The following ACTR3 variants were observed in gnomAD, a reference collection of about 807,000 sequenced individuals.
ACTR3 encodes actin related protein 3, also known as actin-related protein 3.
ACTR3 carries 12 observed loss-of-function variants against 56.8 expected under a neutral mutation model. The observed-to-expected ratio is 0.21, with a 90% CI of 0.14 to 0.34. The LOEUF (loss-of-function observed/expected upper bound fraction) is 0.34. Among genes scored for constraint, ACTR3 ranks in the 10% least tolerant of loss-of-function variants. ACTR3 has a pLI of 1.00. For missense variants in ACTR3, 282 were observed against 512.5 expected (o/e 0.55, Z 4.34); for synonymous variants, 162 against 167.4 (o/e 0.97, Z 0.25).
chr2:113,913,074 A>G (rs1057018984), intron 1 of ACTR3, 98 bp from the exon 2 acceptor site: 1 of 757,376 alleles, frequency 1.3e-6, no homozygotes, highest in Non-Finnish European at 2.1e-6. Flanking sequence ...TTATTTACCT[A>G]CGATGGAATC....
At chr2:113,934,217 ACT>A in intron 5 of ACTR3, 60 bp from the exon 6 acceptor site, 1 of 1,134,750 alleles carries the variant, frequency 8.8e-7, no homozygotes, top group Non-Finnish European at 1.3e-6. Flanking sequence ...TTTTCGATTA[ACT>A]CTTTGTTTTT....
At position 113,931,296 on chromosome 2, in the gene ACTR3, A is replaced by G; in HGVS notation, c.337-5A>G. On this transcript the variant is annotated splice_region_variant and splice_polypyrimidine_tract_variant and intron_variant, in intron 4 of 11. Coordinates refer to ENST00000263238, the MANE Select transcript of ACTR3 (RefSeq NM_005721.5). ...ATCTATTTAAAATGTTATTTATTTCAATAGACTGAACCTCCATTGAATACT... is the reference window on the plus strand; with the variant it reads ...ATCTATTTAAAATGTTATTTATTTCGATAGACTGAACCTCCATTGAATACT... 6.6e-7 allele frequency: 1 copy of G among 1,515,810 alleles called. No individual in the cohort carries two copies. The highest frequency in any genetic ancestry group is 2.4e-5 in the East Asian group (1 of 42,518). 93.9% of individuals were successfully genotyped at this position (1,515,810 alleles called of 1,614,324 possible). A position where few individuals can be genotyped will look rare whatever the true frequency, so the allele number is the denominator to read the frequency against.
Position 113,935,108 on chromosome 2 carries a change from G to A in ACTR3, c.540+722G>A, listed in dbSNP as rs542473278. On this transcript the variant is annotated intron_variant, in intron 6 of 11. Transcript: ENST00000263238. The stretch of plus-strand genomic sequence containing the variant: ...GTCTGTTAAAGATTACATCCTCAGG[G>A]TGACTACCTTTGGATTAGACTCCTG... Among the ~76,000 whole-genome samples the A allele has an allele frequency of 9.9e-5, 15 of 151,608 alleles. No homozygotes were observed. In the South Asian group the frequency reaches 3.1e-3, roughly 32 times the overall value.
chr2:113,957,118 G>C (rs1419575625), intron 11 of ACTR3, among the ~76,000 whole-genome samples: 1 of 152,180 alleles, frequency 6.6e-6, no homozygotes, highest in African/African-American at 2.4e-5. Context: ...CCTCGCAGCA[G>C]GTGTGTGAGA....
At chr2:113,931,137 T>A (rs576627567) in intron 4 of ACTR3, among the ~76,000 whole-genome samples, 164 bp from the exon 5 acceptor site, 1 of 152,274 alleles carries the variant, frequency 6.6e-6, no homozygotes, top group South Asian at 2.1e-4. Flanking sequence ...GATGTTTGAA[T>A]TCTCTATAGT....
Position 113,951,835 on chromosome 2 carries a change from G to A in ACTR3, c.1067G>A (p.Gly356Asp). The A allele has an allele frequency of 6.2e-7, 1 of 1,613,250 alleles. No homozygotes were observed. Among genetic ancestry groups the A allele is most frequent in the Non-Finnish European group, 8.5e-7 (1 of 1,179,346 alleles). The change falls in exon 10 of 12, where the codon GGT (glycine) becomes GAT (aspartate). Residue 356 changes from glycine to aspartate, a missense_variant. Gly to Asp is a moderately conservative substitution (Grantham distance 94). Transcript: ENST00000263238. ...AAATTAAGTGAGGAATTGAGTGGTG[G>A]TAGATTGAAGGTTGGTTTTCCCAAT... ...RLKLSEELSG[G>D]RLKPKPIDVQ...
Position 113,942,293 on chromosome 2 carries a change from G to T in ACTR3, c.792G>T (p.Lys264Asn). 1.2e-6 allele frequency: 2 copies of T among 1,603,440 alleles called. No individual in the cohort carries two copies. Among genetic ancestry groups the T allele is most frequent in the Non-Finnish European group, 1.7e-6 (2 of 1,175,788 alleles). ...KQYTGINAIS[K>N]KEFSIDVGYE... is the part of the protein sequence containing the mutation. ...ATACTGGAATCAATGCTATCTCAAA[G>T]AAAGAGTTTTCTATCGATGTTGGTT... is the stretch of plus-strand genomic sequence containing the variant. Residue 264 changes from lysine to asparagine, a missense_variant, in exon 8 of 12, where the codon AAG becomes AAT. Coordinates refer to ENST00000263238, the MANE Select transcript of ACTR3 (RefSeq NM_005721.5).
At chr2:113,890,015 A>T (rs1559448258), upstream of ACTR3, 1 of 553,218 alleles carries the variant, frequency 1.8e-6, no homozygotes, top group South Asian at 2.0e-5. Flanking sequence ...GGGTGGGGGC[A>T]GGAGTGAGGA....
chr2:113,912,960 A>G (rs752023259), intron 1 of ACTR3, among the ~76,000 whole-genome samples: 2 of 152,116 alleles, frequency 1.3e-5, no homozygotes, highest in Non-Finnish European at 2.9e-5. Flanking sequence ...TGAAGGATCA[A>G]TTTCTTGAAG....
intron 2 of ACTR3, among the ~76,000 whole-genome samples, chr2:113,916,487 A>G (rs1679407683): frequency 6.6e-6 from 1 of 152,172 alleles, no homozygotes; most frequent in South Asian, 2.1e-4. Context: ...AGAAAGTTTA[A>G]AAAATTATTC....
intron 3 of ACTR3, among the ~76,000 whole-genome samples, chr2:113,925,289 G>A (rs938714623): frequency 4.7e-5 from 7 of 150,126 alleles, no homozygotes; most frequent in African/African-American, 1.5e-4. Context: ...TCCGCCTCCT[G>A]GGTTCAAGTG....
At chr2:113,923,652 T>C (rs1192128053) in intron 3 of ACTR3, among the ~76,000 whole-genome samples, 1 of 152,076 alleles carries the variant, frequency 6.6e-6, no homozygotes, top group Non-Finnish European at 1.5e-5. Flanking sequence ...TTTGTTTTTA[T>C]TTGTTGTTTC....
At chr2:113,957,049 A>G (rs1015973728) in intron 11 of ACTR3, among the ~76,000 whole-genome samples, 1 of 152,240 alleles carries the variant, frequency 6.6e-6, no homozygotes, top group African/African-American at 2.4e-5. Context: ...AAGTATGGGA[A>G]AGTCTCAACA....
intron 3 of ACTR3, among the ~76,000 whole-genome samples, 180 bp downstream of exon 3, chr2:113,917,188 T>A (rs565300610): frequency 3.3e-5 from 5 of 152,130 alleles, no homozygotes; most frequent in South Asian, 4.2e-4. Flanking sequence ...TTCTTTTTTT[T>A]AATAACCCCT....
At chr2:113,941,540 A>G (rs1287787959) in intron 7 of ACTR3, among the ~76,000 whole-genome samples, 1 of 152,166 alleles carries the variant, frequency 6.6e-6, no homozygotes, top group Admixed American at 6.5e-5. Context: ...AATACTGGAA[A>G]AGGAAGTTTT....
intron 8 of ACTR3, among the ~76,000 whole-genome samples, chr2:113,945,473 C>A (rs1015792004): frequency 1.3e-5 from 2 of 152,100 alleles, no homozygotes; most frequent in Admixed American, 6.6e-5. Flanking sequence ...TTTCTTCCAG[C>A]CTGCCAACAT....
Position 113,958,881 on chromosome 2 carries a change from G to GT in ACTR3, c.*1432dup, listed in dbSNP as rs1680272296. The GT allele has an allele frequency of 6.6e-6, 1 of 151,878 alleles. No individual in the cohort carries two copies. The highest frequency in any genetic ancestry group is 6.6e-5 in the Admixed American group (1 of 15,232). 9.4% of individuals were successfully genotyped at this position (151,878 alleles called of 1,614,324 possible). A position where few individuals can be genotyped will look rare whatever the true frequency, so the allele number is the denominator to read the frequency against. On this transcript the variant is annotated 3_prime_UTR_variant, in exon 12 of 12. Transcript: ENST00000263238. ...AAAGTGAAAGAATATAAAGTGTTTA[G>GT]TTTTTTGTTTTTACTCTAAAGATAG...
intron 3 of ACTR3, among the ~76,000 whole-genome samples, chr2:113,919,556 T>TAGG (rs1679468128): frequency 6.6e-6 from 1 of 152,158 alleles, no homozygotes; most frequent in South Asian, 2.1e-4. Flanking sequence ...TGATTAGATT[T>TAGG]ATGGGAGGTT....
At chr2:113,908,379 TATTTCATGTGTAAAACTCA>T (rs1465749075) in intron 1 of ACTR3, among the ~76,000 whole-genome samples, 1 of 151,916 alleles carries the variant, frequency 6.6e-6, no homozygotes, top group Non-Finnish European at 1.5e-5. Flanking sequence ...AATATGTAGT[TATTTCATGTGTAAAACTCA>T]ATAGAATTGG....
Sources: gnomAD v4.1 joint callset for allele counts (sites outside exome capture counted in the v4.1 genomes callset) on GRCh38, gnomAD v4.1.1 for gene constraint, MANE v1.5 for transcripts, NCBI Gene and HGNC (gene_info 2026-07-23, HGNC 2026-07-21) for gene names.